The following NPEPL1 variants were observed in gnomAD, a reference collection of about 807,000 sequenced individuals.
The protein encoded by NPEPL1 is probable aminopeptidase NPEPL1.
Under a neutral mutation model 52.4 loss-of-function variants are expected in NPEPL1, and 45 were observed. The ratio of observed to expected loss-of-function variants is 0.86; its 90% CI spans 0.68 to 1.10. NPEPL1 has a LOEUF of 1.10. Ranked by LOEUF, NPEPL1 falls within the 50% of genes least tolerant of loss-of-function variation. The probability of loss-of-function intolerance (pLI) is 0.00; values close to 1 mark genes in which losing one functional copy is unlikely to be tolerated. For missense variants in NPEPL1, 696 were observed against 710.9 expected, an observed-to-expected ratio of 0.98 and a Z score of 0.24; for synonymous variants, 360 against 314.7, an observed-to-expected ratio of 1.14 and a Z score of -1.52.
At chr20:58,705,700 G>A (rs754698689) in intron 6 of NPEPL1, 42 of 385,408 alleles carry the variant, frequency 1.1e-4, no homozygotes, top group Non-Finnish European at 1.7e-4. Flanking sequence ...AGCTGTATTT[G>A]CAAGCCCAGT....
intron 6 of NPEPL1, among the ~76,000 whole-genome samples, chr20:58,701,963 T>C (rs1206536139): frequency 1.3e-5 from 2 of 152,146 alleles, no homozygotes; most frequent in East Asian, 3.9e-4. Flanking sequence ...CTCCGCACCA[T>C]CTCCATCCAT....
chr20:58,696,527 G>A (rs1329776838), intron 3 of NPEPL1, among the ~76,000 whole-genome samples: 2 of 152,238 alleles, frequency 1.3e-5, no homozygotes, highest in Admixed American at 1.3e-4. Context: ...GAACCAGTGG[G>A]GGCAGTCAGT....
intron 6 of NPEPL1, chr20:58,704,199 A>G: frequency 1.0e-6 from 1 of 985,338 alleles, no homozygotes; most frequent in Non-Finnish European, 1.2e-6. Context: ...CATTCTCCCC[A>G]GTGGCTGCCT....
chr20:58,699,775 C>T (rs2084575761), intron 5 of NPEPL1, among the ~76,000 whole-genome samples: 1 of 152,220 alleles, frequency 6.6e-6, no homozygotes, highest in African/African-American at 2.4e-5. Flanking sequence ...TGCCCAGGAA[C>T]CAGAGGGGCA....
Position 58,692,959 on chromosome 20 carries a change from G to A in NPEPL1, c.59G>A (p.Arg20Gln). 1.7e-6 allele frequency: 2 copies of A among 1,187,440 alleles called. No individual in the cohort carries two copies. The highest frequency in any genetic ancestry group is 2.0e-5 in the South Asian group (1 of 50,296). 73.6% of individuals were successfully genotyped at this position (1,187,440 alleles called of 1,614,324 possible). A position where few individuals can be genotyped will look rare whatever the true frequency, so the allele number is the denominator to read the frequency against. Residue 20 changes from arginine to glutamine, a missense_variant, in exon 1 of 12, where the codon CGG becomes CAG. Coordinates refer to ENST00000356091, the MANE Select transcript of NPEPL1 (RefSeq NM_024663.4). The surrounding 1 kb of genome is among the most constrained non-coding windows in gnomAD (Gnocchi z 5.7). Reference sequence around the variant, plus strand: ...GCGGGGGACTCGGACCCACAGAGCCGGCCCCTGCTGCTGCTCGGGCAGCTG... The same window carrying A: ...GCGGGGGACTCGGACCCACAGAGCCAGCCCCTGCTGCTGCTCGGGCAGCTG... ...ASAGDSDPQS[R>Q]PLLLLGQLHH...
In NPEPL1 at chr20:58,693,766, C is replaced by G; in HGVS notation, c.180C>G (p.Asn60Lys). The change falls in exon 2 of 12, where the codon AAC becomes AAG. Residue 60 changes from asparagine to lysine, a missense_variant. By Grantham distance (94) the Asn-to-Lys change is moderately conservative (BLOSUM62 0). Coordinates refer to ENST00000356091, the MANE Select transcript of NPEPL1 (RefSeq NM_024663.4). ...ELWQAALSTL[N>K]PNPTDSCPLY... The stretch of plus-strand genomic sequence containing the variant: ...GGCAGGCTGCCCTGAGCACGCTCAA[C>G]CCCAACCCCACGGACAGCTGTCCCC... 6.2e-7 allele frequency: 1 copy of G among 1,612,768 alleles called. No individual in the cohort carries two copies. Among genetic ancestry groups the G allele is most frequent in the South Asian group, 1.1e-5 (1 of 90,998 alleles).
At chr20:58,694,907 G>A (rs964104524) in intron 3 of NPEPL1, among the ~76,000 whole-genome samples, 2 of 152,252 alleles carry the variant, frequency 1.3e-5, no homozygotes, top group African/African-American at 4.8e-5. Flanking sequence ...GCACGTGTGT[G>A]ATGTATGCAC....
In NPEPL1 at chr20:58,713,211, C is replaced by T; in HGVS notation, c.1002-209C>T. 1 of 564,108 alleles carries T rather than the reference C, an allele frequency of 1.8e-6. No individual in the cohort carries two copies. The allele number at this position is 564,108 out of a possible 1,614,324, so 34.9% of individuals were successfully genotyped here. On this transcript the variant is annotated intron_variant, in intron 8 of 11. Coordinates refer to ENST00000356091, the MANE Select transcript of NPEPL1 (RefSeq NM_024663.4). The surrounding 1 kb of genome is among the most constrained non-coding windows in gnomAD (Gnocchi z 4.6). ...TCTCTGGCTCTCCAGAGCAGCGGGGCAGGGATGTCACCTGGAAGCCCTTTG... is the reference window on the plus strand; with the variant it reads ...TCTCTGGCTCTCCAGAGCAGCGGGGTAGGGATGTCACCTGGAAGCCCTTTG...
intron 1 of NPEPL1, chr20:58,693,422 G>GA (rs2084396185): frequency 3.6e-6 from 1 of 280,490 alleles, no homozygotes; most frequent in African/African-American, 2.2e-5. Context: ...TTTCCTTGGG[G>GA]ACACCTGGCC....
At chr20:58,710,305 G>A (rs1360859605) in intron 7 of NPEPL1, among the ~76,000 whole-genome samples, 3 of 152,178 alleles carry the variant, frequency 2.0e-5, no homozygotes, top group Non-Finnish European at 4.4e-5. Flanking sequence ...AAAGTGCTGG[G>A]ATTCTGGCAT....
intron 6 of NPEPL1, chr20:58,703,505 C>A: frequency 1.0e-6 from 1 of 985,230 alleles, no homozygotes; most frequent in Non-Finnish European, 1.2e-6. Context: ...CCCTGGAAGC[C>A]GCTACATTCT....
In NPEPL1 at chr20:58,705,176, A is replaced by T. The variant is rs112376099; in HGVS notation, c.823-1947A>T. Among the ~76,000 whole-genome samples the T allele has an allele frequency of 2.5e-4, 38 of 152,334 alleles. 1 individual carries two copies. Among genetic ancestry groups the T allele is most frequent in the African/African-American group, 8.4e-4 (35 of 41,578 alleles). On this transcript the variant is annotated intron_variant, in intron 6 of 11. Coordinates refer to ENST00000356091, the MANE Select transcript of NPEPL1 (RefSeq NM_024663.4). ...AATAATGTCAGCTGTTTCTGGAAGT[A>T]AGAGGCTCAGTTTGTTCCTTTTCTG...
upstream of NPEPL1, chr20:58,691,606 C>G: frequency 1.6e-6 from 1 of 634,252 alleles, no homozygotes; most frequent in Non-Finnish European, 2.8e-6. Context: ...AGTTAGGGAG[C>G]TAGGGGGCCA....
chr20:58,715,260 G>T lies in NPEPL1; in HGVS notation c.1506G>T (p.Leu502=). 1.2e-6 allele frequency: 2 copies of T among 1,611,056 alleles called. No individual in the cohort carries two copies. ...CTCTGCTGAACCTGGTGTCCCCACT[G>T]GGCTGTGAGGTGGATGTCGAGGAGG... The part of the protein sequence containing the change: ...EDPLLNLVSP[L]GCEVDVEEGD... The change falls in exon 12 of 12, where the codon CTG becomes CTT. Residue 502 remains leucine (L), a synonymous_variant. Coordinates refer to ENST00000356091, the MANE Select transcript of NPEPL1 (RefSeq NM_024663.4).
intron 3 of NPEPL1, among the ~76,000 whole-genome samples, chr20:58,698,112 G>C (rs1422386680): frequency 6.6e-6 from 1 of 152,244 alleles, no homozygotes; most frequent in East Asian, 1.9e-4. Context: ...CATGAGGAAA[G>C]CAACGGCCCA....
intron 6 of NPEPL1, chr20:58,703,367 TG>T: frequency 1.7e-6 from 1 of 589,918 alleles, no homozygotes; most frequent in Non-Finnish European, 2.1e-6. Context: ...CGGCACACGG[TG>T]GTAATAAGCA....
In NPEPL1 at chr20:58,706,843, G is replaced by A. The variant is rs572816303; in HGVS notation, c.823-280G>A. Among the ~76,000 whole-genome samples the A allele has an allele frequency of 1.8e-4, 28 of 152,304 alleles. 1 individual carries two copies. Among genetic ancestry groups the A allele is most frequent in the South Asian group, 1.2e-3 (6 of 4,826 alleles). ...GGGCATCTCCTCGGGTTCCCCCTCCGTGCAGTTACTGTTTGATAACCCCAA... is the reference window on the plus strand; with the variant it reads ...GGGCATCTCCTCGGGTTCCCCCTCCATGCAGTTACTGTTTGATAACCCCAA... On this transcript the variant is annotated intron_variant, in intron 6 of 11. Coordinates refer to ENST00000356091, the MANE Select transcript of NPEPL1 (RefSeq NM_024663.4).
At chr20:58,700,932 C>A (rs58106586) in intron 5 of NPEPL1, 84 bp from the exon 6 acceptor site, 2 of 1,317,676 alleles carry the variant, frequency 1.5e-6, no homozygotes, top group South Asian at 1.9e-5. Context: ...GAAACACCAG[C>A]CGGCCAGAGT....
intron 7 of NPEPL1, among the ~76,000 whole-genome samples, chr20:58,708,370 C>T (rs117978906): frequency 0.029 from 4,406 of 152,290 alleles, 83 homozygotes; most frequent in Middle Eastern, 0.065. Context: ...GGTGGGGACA[C>T]GGAGGTGCGG....
Sources: allele counts gnomAD v4.1 joint callset (sites outside exome capture counted in the v4.1 genomes callset), GRCh38; gene constraint gnomAD v4.1.1; non-coding constraint Gnocchi (gnomAD v3.1); transcripts MANE v1.5; gene names NCBI Gene and HGNC (gene_info 2026-07-23, HGNC 2026-07-21).